Variants in LCORL observed in about 807,000 individuals in gnomAD.
LCORL encodes ligand dependent nuclear receptor corepressor like, also known as ligand-dependent nuclear receptor corepressor-like protein.
Under a neutral mutation model 141.8 loss-of-function variants are expected in LCORL, and 41 were observed. The ratio of observed to expected loss-of-function variants is 0.29; its 90% CI spans 0.23 to 0.38. The LOEUF (loss-of-function observed/expected upper bound fraction) is 0.38, where lower values mean the gene tolerates loss of function less well. LCORL is among the 10% of genes least tolerant of loss of function. The pLI is 1.00. For synonymous variants in LCORL, 618 were observed against 694.1 expected, an observed-to-expected ratio of 0.89 and a Z score of 1.72; for missense variants, 1,759 against 2,035.0, an observed-to-expected ratio of 0.86 and a Z score of 2.61.
intron 5 of LCORL, among the ~76,000 whole-genome samples, chr4:17,893,999 A>T (rs1252852337): frequency 6.6e-6 from 1 of 152,062 alleles, no homozygotes; most frequent in African/African-American, 2.4e-5. Flanking sequence ...GGGTTTCACC[A>T]TGTTGGCCAG....
chr4:17,877,954 T>G, exon 7 of LCORL: 1 of 1,230,692 alleles, frequency 8.1e-7, no homozygotes, highest in Non-Finnish European at 1.0e-6. Flanking sequence ...AAACAACCTC[T>G]TTCTGCCAGC....
At chr4:17,905,374 A>G (rs1560318715) in intron 5 of LCORL, among the ~76,000 whole-genome samples, 1 of 152,090 alleles carries the variant, frequency 6.6e-6, no homozygotes, top group Non-Finnish European at 1.5e-5. Flanking sequence ...CAAATGCTTA[A>G]TCATCCATGC....
At chr4:17,941,821 T>C (rs771500651) in intron 4 of LCORL, among the ~76,000 whole-genome samples, 5 of 151,542 alleles carry the variant, frequency 3.3e-5, no homozygotes, top group Non-Finnish European at 7.4e-5. Flanking sequence ...CCAGAGATTA[T>C]TTGGAATGCT....
chr4:17,952,916 G>A (rs1238871638), intron 4 of LCORL, among the ~76,000 whole-genome samples: 3 of 151,668 alleles, frequency 2.0e-5, no homozygotes, highest in Non-Finnish European at 2.9e-5. Flanking sequence ...GTAGGCCCCA[G>A]TGTCTATGGT....
intron 4 of LCORL, among the ~76,000 whole-genome samples, chr4:17,948,127 T>C (rs559420916): frequency 9.2e-5 from 14 of 152,118 alleles, no homozygotes; most frequent in African/African-American, 2.6e-4. Context: ...TGGAGGGTTA[T>C]AGTGAAGCCA....
At chr4:18,000,455 T>C (rs909532695) in intron 1 of LCORL, among the ~76,000 whole-genome samples, 1 of 152,202 alleles carries the variant, frequency 6.6e-6, no homozygotes, top group Non-Finnish European at 1.5e-5. Context: ...TTCCAGGAGT[T>C]GAATCAAAAT....
At chr4:17,899,213 A>T (rs921273517) in intron 5 of LCORL, among the ~76,000 whole-genome samples, 1 of 152,038 alleles carries the variant, frequency 6.6e-6, no homozygotes, top group Non-Finnish European at 1.5e-5. Flanking sequence ...TTTTTCACAG[A>T]CTGCCACTGT....
Position 17,859,899 on chromosome 4 carries a change from A to C in LCORL, c.5602+13489T>G, listed in dbSNP as rs1188814687. Reference sequence around the variant, plus strand: ...TAAAATTTGTAGGAATTTATTCTTCATTCTTAGGTATGGCTAACCGGAGAG... The same window carrying C: ...TAAAATTTGTAGGAATTTATTCTTCCTTCTTAGGTATGGCTAACCGGAGAG... On this transcript the variant is annotated intron_variant, in intron 7 of 7. Coordinates refer to ENST00000635767, the Ensembl canonical transcript of LCORL. 2.0e-5 allele frequency among the ~76,000 whole-genome samples: 3 copies of C among 152,252 alleles called. No homozygotes were observed. In the East Asian group the frequency reaches 5.8e-4, roughly 29 times the overall value.
At chr4:17,964,791 GA>G (rs1318322457) in intron 2 of LCORL, among the ~76,000 whole-genome samples, 2 of 151,442 alleles carry the variant, frequency 1.3e-5, no homozygotes, top group East Asian at 3.9e-4. Context: ...AGTTGTTTTG[GA>G]ACTGTTGTGC....
intron 4 of LCORL, among the ~76,000 whole-genome samples, chr4:17,926,229 T>C (rs1735121190): frequency 6.6e-6 from 1 of 152,176 alleles, no homozygotes; most frequent in Admixed American, 6.5e-5. Context: ...AGTATTGTTC[T>C]TGAGTGTGTC....
Position 17,844,314 on chromosome 4 carries a change from ACC to A in LCORL, c.*1572_*1573del, listed in dbSNP as rs367841586. ...TGAAATTGGTCCTCTTTTCTGCAAT[ACC>A]CAACGAAACACCTTTTCTCTTTATT... On this transcript the variant is annotated 3_prime_UTR_variant, in exon 8 of 8. Transcript: ENST00000635767. 92 of 152,458 alleles carry A rather than the reference ACC, an allele frequency of 6.0e-4. 1 individual carries two copies. The highest frequency in any genetic ancestry group is 2.1e-3 in the African/African-American group (89 of 41,550). 9.4% of individuals were successfully genotyped at this position (152,458 alleles called of 1,614,324 possible). A position where few individuals can be genotyped will look rare whatever the true frequency, so the allele number is the denominator to read the frequency against.
At chr4:17,873,306 A>C in intron 7 of LCORL, 82 bp downstream of exon 7, 1 of 900,916 alleles carries the variant, frequency 1.1e-6, no homozygotes, top group Non-Finnish European at 1.5e-6. Flanking sequence ...TTAAAACTGC[A>C]TCAGCTGTTC....
chr4:17,944,666 T>C (rs534270538), intron 4 of LCORL, among the ~76,000 whole-genome samples: 2 of 152,254 alleles, frequency 1.3e-5, no homozygotes, highest in South Asian at 4.1e-4. Flanking sequence ...TCCAAGGGGC[T>C]TTGGTTCCTT....
At chr4:17,929,650 A>C (rs1735696294) in intron 4 of LCORL, among the ~76,000 whole-genome samples, 1 of 152,176 alleles carries the variant, frequency 6.6e-6, no homozygotes, top group South Asian at 2.1e-4. Context: ...TAGGAGACCA[A>C]ATTATAAAAC....
chr4:17,884,524 T>A lies in LCORL; in HGVS notation c.776+1544A>T. 1.3e-6 allele frequency: 2 copies of A among 1,537,700 alleles called. No individual in the cohort carries two copies. Among genetic ancestry groups the A allele is most frequent in the South Asian group, 2.4e-5 (2 of 82,206 alleles). On this transcript the variant is annotated intron_variant, in intron 6 of 7. Transcript: ENST00000635767. This position sits in a 1 kb window ranked among gnomAD's most constrained non-coding sequence, Gnocchi z 4.4. Reference sequence around the variant, plus strand: ...CACAAGTTTCTTTACTGTCCTTATATGAATAACTATCATGGAAATCTCGAG... The same window carrying A: ...CACAAGTTTCTTTACTGTCCTTATAAGAATAACTATCATGGAAATCTCGAG...
chr4:17,933,921 A>C (rs1350719806), intron 4 of LCORL, among the ~76,000 whole-genome samples: 2 of 151,860 alleles, frequency 1.3e-5, no homozygotes, highest in African/African-American at 4.8e-5. Flanking sequence ...AGGACCCTTA[A>C]TTTCTTCCTT....
intron 7 of LCORL, among the ~76,000 whole-genome samples, chr4:17,866,643 CAA>C (rs1252080091): frequency 6.6e-6 from 1 of 150,880 alleles, no homozygotes; most frequent in East Asian, 1.9e-4. Context: ...CAAACACAAA[CAA>C]GAAAAAAAAA....
At chr4:17,923,246 T>C (rs926141316) in intron 4 of LCORL, among the ~76,000 whole-genome samples, 4 of 152,238 alleles carry the variant, frequency 2.6e-5, no homozygotes, top group Non-Finnish European at 5.9e-5. Context: ...GCTGAATTTA[T>C]GGATTTAGGC....
At position 18,021,852 on chromosome 4, in the gene LCORL, A is replaced by AG. The variant is rs570498716; in HGVS notation, c.-102dup. ...GAGCCCCGGAGCGCGCGCCCCCCGG[A>AG]GGGGGGTTGATTGACACGTGTCACT... On this transcript the variant is annotated 5_prime_UTR_variant, in exon 1 of 8. Coordinates refer to ENST00000635767, the Ensembl canonical transcript of LCORL. The surrounding 1 kb of genome is among the most constrained non-coding windows in gnomAD (Gnocchi z 5.5). The AG allele has an allele frequency of 8.0e-3, 10,543 of 1,322,884 alleles. 67 individuals carry two copies. The highest frequency in any genetic ancestry group is 9.4e-3 in the Non-Finnish European group (9,610 of 1,017,354). The allele number at this position is 1,322,884 out of a possible 1,614,324, so 81.9% of individuals were successfully genotyped here.
Sources: allele counts gnomAD v4.1 joint callset (sites outside exome capture counted in the v4.1 genomes callset), GRCh38; gene constraint gnomAD v4.1.1; non-coding constraint Gnocchi (gnomAD v3.1); transcripts MANE v1.5; gene names NCBI Gene and HGNC (gene_info 2026-07-23, HGNC 2026-07-21).